The following CTNND2 variants were observed in gnomAD, a reference collection of about 807,000 sequenced individuals.
CTNND2 encodes the protein catenin delta-2.
A neutral mutation model predicts 144.4 loss-of-function variants in CTNND2; 22 were observed. That is an observed-to-expected ratio of 0.15 (90% CI 0.11 to 0.22). The LOEUF (loss-of-function observed/expected upper bound fraction) is 0.22, where lower values mean the gene tolerates loss of function less well. CTNND2 is among the 10% of genes least tolerant of loss of function. CTNND2 has a pLI of 1.00. For missense variants in CTNND2, 1,353 were observed against 1,618.8 expected, an observed-to-expected ratio of 0.84 and a Z score of 2.82; for synonymous variants, 751 against 695.6, an observed-to-expected ratio of 1.08 and a Z score of -1.25.
chr5:11,901,511 G>T (rs1017197848), intron 1 of CTNND2, among the ~76,000 whole-genome samples: 1 of 152,210 alleles, frequency 6.6e-6, no homozygotes, highest in Non-Finnish European at 1.5e-5. Flanking sequence ...TATTGTGAAA[G>T]ATGTAAAGTG....
At chr5:11,395,053 A>G (rs142226457) in intron 6 of CTNND2, among the ~76,000 whole-genome samples, 25 of 152,334 alleles carry the variant, frequency 1.6e-4, no homozygotes, top group African/African-American at 5.1e-4. Flanking sequence ...TTGAAGGAGT[A>G]AGATTTCACA....
At chr5:11,152,821 C>T (rs1757863362) in intron 12 of CTNND2, among the ~76,000 whole-genome samples, 1 of 152,202 alleles carries the variant, frequency 6.6e-6, no homozygotes, top group South Asian at 2.1e-4. Context: ...TTACTAGACA[C>T]ACTGATCAGG....
chr5:11,024,978 G>A (rs1742667707), intron 16 of CTNND2, among the ~76,000 whole-genome samples: 1 of 152,102 alleles, frequency 6.6e-6, no homozygotes. Context: ...TGTGCCCCAT[G>A]GTATGGAAAA....
chr5:11,834,759 C>T (rs530321816), intron 1 of CTNND2, among the ~76,000 whole-genome samples: 77 of 152,328 alleles, frequency 5.1e-4, no homozygotes, highest in African/African-American at 1.8e-3. Context: ...GTAGCACCCA[C>T]TTTCGAATCT....
At chr5:11,480,879 G>T (rs1768189115) in intron 3 of CTNND2, among the ~76,000 whole-genome samples, 1 of 152,022 alleles carries the variant, frequency 6.6e-6, no homozygotes, top group South Asian at 2.1e-4. Flanking sequence ...ATGTTACTAT[G>T]GAAAATGAGT....
At chr5:11,463,684 TA>T (rs5865943) in intron 3 of CTNND2, among the ~76,000 whole-genome samples, 2,013 of 145,064 alleles carry the variant, frequency 0.014, 44 homozygotes, top group African/African-American at 0.043. Flanking sequence ...GGTGCTTCAT[TA>T]AAAAAAAAAA....
intron 9 of CTNND2, among the ~76,000 whole-genome samples, chr5:11,270,891 T>C (rs1745931077): frequency 6.6e-6 from 1 of 152,210 alleles, no homozygotes; most frequent in African/African-American, 2.4e-5. Context: ...TGAAAGTATT[T>C]ATTGAAATTA....
chr5:11,072,947 C>T (rs1748501612), intron 16 of CTNND2, among the ~76,000 whole-genome samples: 1 of 152,272 alleles, frequency 6.6e-6, no homozygotes, highest in South Asian at 2.1e-4. Context: ...GGCAGCACCA[C>T]TGGCCCATCT....
rs1418551601 is a variant in CTNND2, at chr5:11,024,448, T to C, written c.2789-1469A>G. On this transcript the variant is annotated intron_variant, in intron 16 of 21. Coordinates refer to ENST00000304623, the MANE Select transcript of CTNND2 (RefSeq NM_001332.4). ...ATCAGCCTTAACTCTGGTTAAGAGT[T>C]TACTTTCGTAGGGCTCAGCATGCTG... Among the ~76,000 whole-genome samples, 9 of 152,336 alleles carry C rather than the reference T, an allele frequency of 5.9e-5. No homozygotes were observed. The East Asian group carries it at 1.7e-3, about 29-fold the overall frequency.
intron 21 of CTNND2, among the ~76,000 whole-genome samples, chr5:10,977,010 T>C (rs1438538404): frequency 6.6e-6 from 1 of 152,250 alleles, no homozygotes; most frequent in Non-Finnish European, 1.5e-5. Flanking sequence ...TCAGGGCCTC[T>C]GGCGATGGGC....
chr5:11,789,057 A>T (rs1475397128), intron 1 of CTNND2, among the ~76,000 whole-genome samples: 1 of 152,206 alleles, frequency 6.6e-6, no homozygotes, highest in Non-Finnish European at 1.5e-5. Context: ...ATCATTAAAA[A>T]GTCAGGGAAC....
chr5:11,333,674 G>T (rs62339764), intron 9 of CTNND2, among the ~76,000 whole-genome samples: 1 of 152,100 alleles, frequency 6.6e-6, no homozygotes, highest in Non-Finnish European at 1.5e-5. Flanking sequence ...GGGAAGAGTA[G>T]GGATGACCTT....
Position 11,562,040 on chromosome 5 carries a change from C to T in CTNND2, c.287+2904G>A, listed in dbSNP as rs185358634. ...CTCCAGCCTGGGTGACAGAGCAAGA[C>T]TACATCTCAAAAAAAAAAGAGAGAG... On this transcript the variant is annotated intron_variant, in intron 3 of 21. Transcript: ENST00000304623. 2.3e-3 allele frequency among the ~76,000 whole-genome samples: 345 copies of T among 151,804 alleles called. 6 individuals are homozygous for T. Among genetic ancestry groups the T allele is most frequent in the African/African-American group, 7.3e-3 (303 of 41,430 alleles).
intron 18 of CTNND2, among the ~76,000 whole-genome samples, chr5:11,007,543 T>C (rs1740617066): frequency 6.6e-6 from 1 of 152,258 alleles, no homozygotes; most frequent in African/African-American, 2.4e-5. Flanking sequence ...ACCTCACTTC[T>C]TCCCTTGGTT....
chr5:11,049,496 C>A (rs921608034), intron 16 of CTNND2, among the ~76,000 whole-genome samples: 1 of 152,154 alleles, frequency 6.6e-6, no homozygotes, highest in Admixed American at 6.5e-5. Flanking sequence ...TAAGGCTTGC[C>A]AAATGTGTTA....
At chr5:11,144,518 T>C (rs1381015368) in intron 12 of CTNND2, among the ~76,000 whole-genome samples, 4 of 152,130 alleles carry the variant, frequency 2.6e-5, no homozygotes, top group Admixed American at 1.3e-4. Context: ...CCTTGTCTCC[T>C]GGGGCACAAA....
intron 16 of CTNND2, among the ~76,000 whole-genome samples, chr5:11,068,865 C>T (rs897220333): frequency 2.0e-5 from 3 of 152,044 alleles, no homozygotes; most frequent in South Asian, 2.1e-4. Context: ...TGCAGTGAGC[C>T]GAGATCGCAC....
chr5:11,407,679 G>A (rs1171537823), intron 5 of CTNND2, among the ~76,000 whole-genome samples: 1 of 151,954 alleles, frequency 6.6e-6, no homozygotes, highest in Non-Finnish European at 1.5e-5. Flanking sequence ...TGAGGATTAA[G>A]AGACTGGTTC....
chr5:11,123,647 T>A (rs943265318), intron 12 of CTNND2, among the ~76,000 whole-genome samples: 5 of 152,252 alleles, frequency 3.3e-5, no homozygotes, highest in African/African-American at 1.2e-4. Context: ...TGCATCAGAA[T>A]CAGCTTTGGA....
Sources: allele counts gnomAD v4.1 joint callset (sites outside exome capture counted in the v4.1 genomes callset), GRCh38; gene constraint gnomAD v4.1.1; transcripts MANE v1.5; gene names NCBI Gene and HGNC (gene_info 2026-07-23, HGNC 2026-07-21).